TMOD4: variants seen among roughly 807,000 people sequenced by gnomAD.
The protein encoded by TMOD4 is tropomodulin 4.
In TMOD4, 34 loss-of-function variants were observed where a neutral mutation model predicts 45.4. That is an observed-to-expected ratio of 0.75 (90% CI 0.57 to 1.00). The LOEUF (loss-of-function observed/expected upper bound fraction) is 1.00. Ranked by LOEUF, TMOD4 falls within the 50% of genes least tolerant of loss-of-function variation. TMOD4 has a pLI of 0.00. For missense variants in TMOD4, 399 were observed against 437.5 expected (o/e 0.91, Z 0.78); for synonymous variants, 131 against 153.9 (o/e 0.85, Z 1.10).
At chr1:151,170,435 T>C in intron 9 of TMOD4, 84 bp downstream of exon 9, 1 of 1,576,206 alleles carries the variant, frequency 6.3e-7, no homozygotes, top group African/African-American at 1.3e-5. Context: ...CCTGGGCTGT[T>C]AGTCATTAGG....
In TMOD4 at chr1:151,170,900, CAG is replaced by C. The variant is rs752667606; in HGVS notation, c.870+18_870+19del. On this transcript the variant is annotated intron_variant, in intron 8 of 9. Coordinates refer to ENST00000295314, the MANE Select transcript of TMOD4 (RefSeq NM_013353.3). ...ACTCAATGAGACTGAATGCTAACAT[CAG>C]GGGAAGGGAATGCTGACCTGATTGT... 4.3e-6 allele frequency: 7 copies of C among 1,612,902 alleles called. No individual in the cohort carries two copies. The South Asian group carries it at 7.7e-5, about 18-fold the overall frequency.
intron 5 of TMOD4, 135 bp from the exon 6 acceptor site, chr1:151,171,898 A>G: frequency 1.7e-6 from 2 of 1,188,648 alleles, no homozygotes; most frequent in Non-Finnish European, 2.3e-6. Context: ...ATGCAGTGGC[A>G]CAATCTCAAC....
Position 151,173,574 on chromosome 1 carries a change from C to T in TMOD4, c.322G>A (p.Glu108Lys). 6.2e-7 allele frequency: 1 copy of T among 1,614,212 alleles called. No homozygotes were observed. The highest frequency in any genetic ancestry group is 1.3e-5 in the African/African-American group (1 of 75,052). The part of the protein sequence containing the change: ...IQPKREIPAE[E>K]QITLEPELEE... ...AGCTCAGGCTCCAGGGTGATCTGCT[C>T]CTCTGCTGGGATTTCCCTCTTGGGC... The change falls in exon 4 of 10, where the codon GAG becomes AAG. Residue 108 changes from glutamate to lysine, a missense_variant. Physicochemically the swap from Glu to Lys is moderately conservative, Grantham distance 56. Transcript: ENST00000295314.
chr1:151,174,833 CTA>C lies in TMOD4; in HGVS notation c.41_42del (p.Ile14ArgfsTer2), dbSNP rs1558210542. 2.5e-6 allele frequency: 4 copies of C among 1,614,090 alleles called. No individual in the cohort carries two copies. Among genetic ancestry groups the C allele is most frequent in the East Asian group, 2.2e-5 (1 of 44,896 alleles). ...YQKELEKYRD[I>X]DEDEILRTLS... ...AAGGTCCTTAGGATCTCATCTTCAT[CTA>C]TGTCTCTGTATTTCTCCAGTTCCTT... On this transcript the variant is annotated frameshift_variant, in exon 2 of 10. Coordinates refer to ENST00000295314, the MANE Select transcript of TMOD4 (RefSeq NM_013353.3). LOFTEE classifies it high-confidence loss of function.
chr1:151,170,902 G>A lies in TMOD4; in HGVS notation c.870+18C>T. 1 of 1,613,400 alleles carries A rather than the reference G, an allele frequency of 6.2e-7. No individual in the cohort carries two copies. The highest frequency in any genetic ancestry group is 8.5e-7 in the Non-Finnish European group (1 of 1,179,696). ...TCAATGAGACTGAATGCTAACATCA[G>A]GGGAAGGGAATGCTGACCTGATTGT... On this transcript the variant is annotated intron_variant, in intron 8 of 9. Coordinates refer to ENST00000295314, the MANE Select transcript of TMOD4 (RefSeq NM_013353.3).
At chr1:151,170,167 T>G in intron 9 of TMOD4, 64 bp from the exon 10 acceptor site, 1 of 1,595,580 alleles carries the variant, frequency 6.3e-7, no homozygotes, top group Non-Finnish European at 8.6e-7. Context: ...AAAGGCACTC[T>G]TCTCCTTTCC....
At chr1:151,174,255 C>G (rs940514895) in intron 3 of TMOD4, 136 bp downstream of exon 3, 2 of 884,128 alleles carry the variant, frequency 2.3e-6, no homozygotes, top group Non-Finnish European at 3.6e-6. Flanking sequence ...AGTGCAAGCT[C>G]GCATTTAAGT....
In TMOD4 at chr1:151,171,037, A is replaced by C; in HGVS notation, c.753T>G (p.Asn251Lys). The C allele has an allele frequency of 3.1e-6, 5 of 1,614,160 alleles. No homozygotes were observed. Among genetic ancestry groups the C allele is most frequent in the Non-Finnish European group, 4.2e-6 (5 of 1,180,024 alleles). ...ANAVADMLRE[N>K]RSLQSLNIES... is the part of the protein sequence containing the mutation. ...CGATGTTTAGGCTCTGGAGGCTACGATTCTCACGCAACATGTCAGCCACTG... is the reference window on the plus strand; with the variant it reads ...CGATGTTTAGGCTCTGGAGGCTACGCTTCTCACGCAACATGTCAGCCACTG... The change falls in exon 8 of 10, where the codon AAT becomes AAG. Residue 251 changes from asparagine (N) to lysine (K), a missense_variant. Asn to Lys is a moderately conservative substitution (Grantham distance 94, BLOSUM62 0). Coordinates refer to ENST00000295314, the MANE Select transcript of TMOD4 (RefSeq NM_013353.3).
intron 7 of TMOD4, 119 bp downstream of exon 7, chr1:151,171,314 A>G: frequency 1.0e-6 from 1 of 968,906 alleles, no homozygotes; most frequent in South Asian, 1.5e-5. Flanking sequence ...AGTCTCCATG[A>G]GGGCTGCCCT....
At position 151,171,735 on chromosome 1, in the gene TMOD4, T is replaced by C; in HGVS notation, c.516A>G (p.Pro172=). 1 of 1,614,108 alleles carries C rather than the reference T, an allele frequency of 6.2e-7. No homozygotes were observed. Among genetic ancestry groups the C allele is most frequent in the Non-Finnish European group, 8.5e-7 (1 of 1,180,006 alleles). ...TGGGATTTGGGGGTTCATCCGGCACTGGCTTATACTTGTCAGGCTGTACCA... is the reference window on the plus strand; with the variant it reads ...TGGGATTTGGGGGTTCATCCGGCACCGGCTTATACTTGTCAGGCTGTACCA... The part of the protein sequence containing the change: ...SSVVQPDKYK[P]VPDEPPNPTN... Residue 172 remains proline (P), a synonymous_variant, in exon 6 of 10, where the codon CCA becomes CCG. Transcript: ENST00000295314.
At chr1:151,170,142 G>C (rs775787949) in intron 9 of TMOD4, 39 bp from the exon 10 acceptor site, 2 of 1,613,578 alleles carry the variant, frequency 1.2e-6, no homozygotes, top group Non-Finnish European at 1.7e-6. Context: ...GTTTGTTCCA[G>C]CTCCTGCTTT....
chr1:151,170,351 G>T, intron 9 of TMOD4, 168 bp downstream of exon 9: 1 of 1,057,304 alleles, frequency 9.5e-7, no homozygotes, highest in Non-Finnish European at 1.4e-6. Context: ...ATTTGGGGCA[G>T]GGGGAGTTTT....
intron 4 of TMOD4, among the ~76,000 whole-genome samples, chr1:151,172,685 T>A (rs936604728): frequency 6.6e-6 from 1 of 152,080 alleles, no homozygotes; most frequent in Non-Finnish European, 1.5e-5. Flanking sequence ...CAGGCTGGAG[T>A]GCAGTGGTGC....
intron 3 of TMOD4, among the ~76,000 whole-genome samples, chr1:151,174,004 A>G (rs2101715383): frequency 6.6e-6 from 1 of 152,232 alleles, no homozygotes. Flanking sequence ...TCACGAGGTC[A>G]GGAGATCGAG....
intron 4 of TMOD4, 115 bp downstream of exon 4, chr1:151,173,384 G>T: frequency 1.4e-6 from 1 of 737,534 alleles, no homozygotes; most frequent in Non-Finnish European, 2.4e-6. Flanking sequence ...ACTACTGCTT[G>T]ACGCTTTCTT....
intron 7 of TMOD4, 34 bp downstream of exon 7, chr1:151,171,399 T>G (rs774166003): frequency 6.4e-7 from 1 of 1,567,916 alleles, no homozygotes; most frequent in Admixed American, 1.7e-5. Context: ...ATGTAAGATG[T>G]GGGGAGAGGG....
At chr1:151,173,741 C>G (rs1249386295) in intron 3 of TMOD4, 126 bp from the exon 4 acceptor site, 1 of 698,646 alleles carries the variant, frequency 1.4e-6, no homozygotes, top group Non-Finnish European at 2.5e-6. Flanking sequence ...AGCCTGAGTC[C>G]TCTACAAACT....
intron 5 of TMOD4, 45 bp downstream of exon 5, chr1:151,172,223 T>C (rs772372534): frequency 6.8e-7 from 1 of 1,481,016 alleles, no homozygotes; most frequent in Non-Finnish European, 9.4e-7. Flanking sequence ...ACACTAGGAC[T>C]GCCTGCCCAG....
At position 151,171,020 on chromosome 1, in the gene TMOD4, AG is replaced by A; in HGVS notation, c.769del (p.Leu257Ter). On this transcript the variant is annotated frameshift_variant, in exon 8 of 10. Transcript: ENST00000295314. LOFTEE classifies it high-confidence loss of function. ...MLRENRSLQS[L>X]NIESNFISST... is the part of the protein sequence containing the mutation. ...GCTAATGAAGTTGGATTCGATGTTTAGGCTCTGGAGGCTACGATTCTCACGC... is the reference window on the plus strand; with the variant it reads ...GCTAATGAAGTTGGATTCGATGTTTAGCTCTGGAGGCTACGATTCTCACGC... 6.2e-7 allele frequency: 1 copy of A among 1,614,164 alleles called. No homozygotes were observed. The highest frequency in any genetic ancestry group is 8.5e-7 in the Non-Finnish European group (1 of 1,180,042).
Sources: gnomAD v4.1 joint callset for allele counts (sites outside exome capture counted in the v4.1 genomes callset) on GRCh38, gnomAD v4.1.1 for gene constraint, MANE v1.5 for transcripts, NCBI Gene and HGNC (gene_info 2026-07-23, HGNC 2026-07-21) for gene names.